The following KCNT1 variants were observed in gnomAD, a reference collection of about 807,000 sequenced individuals.
KCNT1 encodes the protein potassium sodium-activated channel subfamily T member 1, also known as potassium channel subfamily T member 1.
In KCNT1, 78 loss-of-function variants were observed where a neutral mutation model predicts 147.8. The ratio of observed to expected loss-of-function variants is 0.53; its 90% CI spans 0.44 to 0.64. The LOEUF is 0.64. KCNT1 is among the 30% of genes least tolerant of loss of function. The pLI, the probability that KCNT1 is intolerant of heterozygous loss-of-function variation, is 0.00. For synonymous variants in KCNT1, 867 were observed against 748.8 expected, an observed-to-expected ratio of 1.16 and a Z score of -2.58; for missense variants, 1,419 against 1,750.3, an observed-to-expected ratio of 0.81 and a Z score of 3.38.
intron 24 of KCNT1, among the ~76,000 whole-genome samples, chr9:135,781,012 C>T (rs189722431): frequency 1.2e-4 from 19 of 152,352 alleles, no homozygotes; most frequent in African/African-American, 3.8e-4. Context: ...CGCTCCTGCC[C>T]GCCTTCCCGC....
chr9:135,703,563 G>C (rs1175673508), intron 1 of KCNT1, among the ~76,000 whole-genome samples: 1 of 152,192 alleles, frequency 6.6e-6, no homozygotes. Context: ...ATGTCCTTGG[G>C]AAGTGGGCAC....
At chr9:135,779,310 C>T (rs1325453615) in intron 23 of KCNT1, 49 bp from the exon 24 acceptor site, 2 of 1,186,072 alleles carry the variant, frequency 1.7e-6, no homozygotes, top group African/African-American at 3.0e-5. Context: ...CACCCTGAGA[C>T]CTCCTACAAC....
In KCNT1 at chr9:135,737,019, G is replaced by A. The variant is rs867769998; in HGVS notation, c.255-13079G>A. The A allele has an allele frequency of 1.8e-4, 49 of 265,896 alleles. No individual in the cohort carries two copies. In the Middle Eastern group the frequency reaches 5.5e-3, roughly 30 times the overall value. 16.5% of individuals were successfully genotyped at this position (265,896 alleles called of 1,614,324 possible). On this transcript the variant is annotated intron_variant, in intron 2 of 30. Coordinates refer to ENST00000371757, the MANE Select transcript of KCNT1 (RefSeq NM_020822.3). ...GGGGCTGAACACGGCGGGGCTGCAG[G>A]TGAGACTGCAGGGGAGGGAGGAAGT...
intron 15 of KCNT1, 70 bp from the exon 16 acceptor site, chr9:135,769,877 G>T: frequency 8.8e-7 from 1 of 1,132,632 alleles, no homozygotes. Flanking sequence ...TTCAGGAAGT[G>T]AGCAGGTACT....
intron 1 of KCNT1, among the ~76,000 whole-genome samples, chr9:135,707,116 TCTCTACAAAAAAAAAAAA>T (rs1835288743): frequency 6.8e-6 from 1 of 146,388 alleles, no homozygotes; most frequent in Non-Finnish European, 1.5e-5. Context: ...AAGACCCCTG[TCTCTACAAAAAAAAAAAA>T]AATTAAAAAT....
chr9:135,791,996 T>G, intron 30 of KCNT1, 45 bp from the exon 31 acceptor site: 2 of 1,603,208 alleles, frequency 1.2e-6, no homozygotes, highest in African/African-American at 1.3e-5. Flanking sequence ...GAGCAGGGGC[T>G]GCCCGGCCCA....
chr9:135,772,440 A>G (rs1250450543), intron 18 of KCNT1, among the ~76,000 whole-genome samples: 1 of 152,002 alleles, frequency 6.6e-6, no homozygotes, highest in South Asian at 2.1e-4. Context: ...CTCCTCAGGC[A>G]TCTGGTGCTG....
In KCNT1 at chr9:135,752,270, A is replaced by G. The variant is rs1408729746; in HGVS notation, c.434+1229A>G. 2.3e-6 allele frequency: 1 copy of G among 438,394 alleles called. No homozygotes were observed. The highest frequency in any genetic ancestry group is 2.0e-5 in the African/African-American group (1 of 48,982). The allele number at this position is 438,394 out of a possible 1,614,324, so 27.2% of individuals were successfully genotyped here. The stretch of plus-strand genomic sequence containing the variant: ...TGGGGACCTAAAGGCGTCCATGTAA[A>G]CTTTTGCTCAATCCCCCTTTTCACC... On this transcript the variant is annotated intron_variant, in intron 4 of 30. Transcript: ENST00000371757. This position sits in a 1 kb window ranked among gnomAD's most constrained non-coding sequence, Gnocchi z 5.1.
At position 135,747,966 on chromosome 9, in the gene KCNT1, G is replaced by A. The variant is rs138347274; in HGVS notation, c.255-2132G>A. Among the ~76,000 whole-genome samples, 360 of 152,234 alleles carry A rather than the reference G, an allele frequency of 2.4e-3. 3 individuals are homozygous for A. The highest frequency in any genetic ancestry group is 8.1e-3 in the African/African-American group (335 of 41,546). On this transcript the variant is annotated intron_variant, in intron 2 of 30. Transcript: ENST00000371757. ...TTATTTATTATTCATTTTTGAGACAGGGCCTCGCTCTGTCACCTAGGCTAG... is the reference window on the plus strand; with the variant it reads ...TTATTTATTATTCATTTTTGAGACAAGGCCTCGCTCTGTCACCTAGGCTAG...
rs527763208 is a variant in KCNT1, at chr9:135,791,918, T to C, written c.3587+37T>C. 149 of 1,608,344 alleles carry C rather than the reference T, an allele frequency of 9.3e-5. No individual in the cohort carries two copies. In the African/African-American group the frequency reaches 1.4e-3, roughly 15 times the overall value. On this transcript the variant is annotated intron_variant, in intron 30 of 30. Transcript: ENST00000371757. ...CTGTGGGCTGTGTGGAGACCCCCCC[T>C]GAGCACCAGGTGGGCACTGGGGAGA...
intron 2 of KCNT1, among the ~76,000 whole-genome samples, chr9:135,727,455 T>TC: frequency 6.8e-6 from 1 of 146,216 alleles, no homozygotes; most frequent in Non-Finnish European, 1.5e-5. Context: ...TCTCTCTCTC[T>TC]TTCTCTCTCT....
In KCNT1 at chr9:135,784,591, C is replaced by G; in HGVS notation, c.3000C>G (p.Thr1000=). Residue 1000 remains threonine, a synonymous_variant, in exon 26 of 31, where the codon ACC becomes ACG. Coordinates refer to ENST00000371757, the MANE Select transcript of KCNT1 (RefSeq NM_020822.3). ...TITRLLLGLD[T]TPGSGYLCAM... Reference sequence around the variant, plus strand: ...CCCGGCTGCTGCTGGGCCTGGACACCACGCCGGGCTCGGGGTACCTCTGTG... The same window carrying G: ...CCCGGCTGCTGCTGGGCCTGGACACGACGCCGGGCTCGGGGTACCTCTGTG... 3.1e-6 allele frequency: 5 copies of G among 1,606,078 alleles called. No homozygotes were observed. Among genetic ancestry groups the G allele is most frequent in the Non-Finnish European group, 4.2e-6 (5 of 1,177,478 alleles).
At chr9:135,732,944 A>T (rs1246695878) in intron 2 of KCNT1, among the ~76,000 whole-genome samples, 1 of 151,536 alleles carries the variant, frequency 6.6e-6, no homozygotes, top group Non-Finnish European at 1.5e-5. Flanking sequence ...GTCAGGACAC[A>T]CCCCCTGGTT....
At chr9:135,785,893 A>C in intron 28 of KCNT1, 1 of 488,654 alleles carries the variant, frequency 2.0e-6, no homozygotes, top group East Asian at 3.9e-5. Flanking sequence ...GACCCACAGA[A>C]ATAAGGGCTC....
intron 24 of KCNT1, among the ~76,000 whole-genome samples, chr9:135,780,218 A>T (rs1266349849): frequency 6.6e-6 from 1 of 152,088 alleles, no homozygotes; most frequent in African/African-American, 2.4e-5. Context: ...AGGCAGCCCT[A>T]GGCTGAGAGC....
At chr9:135,706,143 T>C (rs915026510) in intron 1 of KCNT1, among the ~76,000 whole-genome samples, 1 of 152,192 alleles carries the variant, frequency 6.6e-6, no homozygotes, top group African/African-American at 2.4e-5. Context: ...CTCAGTTTCC[T>C]CATCTGTAGA....
Position 135,772,805 on chromosome 9 carries a change from AG to A in KCNT1, c.2100del (p.Asn701ThrfsTer28). 1 of 1,514,554 alleles carries A rather than the reference AG, an allele frequency of 6.6e-7. No homozygotes were observed. The highest frequency in any genetic ancestry group is 1.3e-5 in the South Asian group (1 of 78,184). The allele number at this position is 1,514,554 out of a possible 1,614,324, so 93.8% of individuals were successfully genotyped here. On this transcript the variant is annotated frameshift_variant, in exon 19 of 31. Transcript: ENST00000371757. LOFTEE classifies it high-confidence loss of function. ...GGCAGCAAGCTGGCACTGCCCACGG[AG>A]AACGGCTCGGGCAGCCGGCGGCCCA... ...GGGSKLALPT[E>X]NGSGSRRPSI...
rs1277942355 is a variant in KCNT1 at position 135,795,460 on chromosome 9, CAAAAAA to C, written c.*3300_*3305del. ...CCCTGTCTCAAACAAAACAAACAAA[CAAAAAA>C]GAAAAAGAAAATAAAACTGTTTGCT... On this transcript the variant is annotated 3_prime_UTR_variant, in exon 31 of 31. Transcript: ENST00000371757. The C allele has an allele frequency of 6.6e-6, 1 of 151,688 alleles. No individual in the cohort carries two copies. Among genetic ancestry groups the C allele is most frequent in the African/African-American group, 2.4e-5 (1 of 41,310 alleles). 9.4% of individuals were successfully genotyped at this position (151,688 alleles called of 1,614,324 possible). A position where few individuals can be genotyped will look rare whatever the true frequency, so the allele number is the denominator to read the frequency against.
intron 2 of KCNT1, among the ~76,000 whole-genome samples, chr9:135,741,917 C>T (rs1192570824): frequency 6.6e-6 from 1 of 152,352 alleles, no homozygotes; most frequent in Non-Finnish European, 1.5e-5. Context: ...AGACCCTCGG[C>T]ACTCCCACCC....
Sources: allele counts gnomAD v4.1 joint callset (sites outside exome capture counted in the v4.1 genomes callset), GRCh38; gene constraint gnomAD v4.1.1; non-coding constraint Gnocchi (gnomAD v3.1); transcripts MANE v1.5; gene names NCBI Gene and HGNC (gene_info 2026-07-23, HGNC 2026-07-21).